Variants in SLC2A13 observed in about 807,000 individuals in gnomAD.
SLC2A13 encodes solute carrier family 2 member 13, also known as proton myo-inositol cotransporter.
A neutral mutation model predicts 64.4 loss-of-function variants in SLC2A13; 32 were observed. The ratio of observed to expected loss-of-function variants is 0.50; its 90% confidence interval spans 0.37 to 0.67. The LOEUF is 0.67. Ranked by LOEUF, SLC2A13 falls within the 30% of genes least tolerant of loss-of-function variation. The pLI is 0.00. For synonymous variants in SLC2A13, 338 were observed against 327.1 expected (o/e 1.03, Z -0.36); for missense variants, 743 against 829.2 (o/e 0.90, Z 1.28).
chr12:40,077,403 T>C (rs1309304531), intron 1 of SLC2A13, among the ~76,000 whole-genome samples: 1 of 152,230 alleles, frequency 6.6e-6, no homozygotes, highest in East Asian at 1.9e-4. Context: ...ATTTATTAAA[T>C]AGGTAATCCT....
intron 3 of SLC2A13, among the ~76,000 whole-genome samples, chr12:39,956,228 G>A (rs1946312177): frequency 6.6e-6 from 1 of 152,124 alleles, no homozygotes; most frequent in Non-Finnish European, 1.5e-5. Context: ...TACTGAATTT[G>A]TTAAAAACGT....
chr12:39,928,442 T>A (rs1221284694), intron 4 of SLC2A13, among the ~76,000 whole-genome samples: 1 of 152,128 alleles, frequency 6.6e-6, no homozygotes, highest in Non-Finnish European at 1.5e-5. Flanking sequence ...TTTTAGAACA[T>A]GAGGAATAAA....
chr12:39,767,001 C>G (rs1408793196), intron 7 of SLC2A13, among the ~76,000 whole-genome samples: 1 of 152,094 alleles, frequency 6.6e-6, no homozygotes, highest in African/African-American at 2.4e-5. Context: ...GGTATTTTGA[C>G]CTCCTCCCAT....
chr12:39,768,930 T>C (rs1053476141), intron 7 of SLC2A13, among the ~76,000 whole-genome samples: 1 of 152,082 alleles, frequency 6.6e-6, no homozygotes, highest in Non-Finnish European at 1.5e-5. Context: ...GCAAACACAA[T>C]AAAATGAAGT....
At chr12:39,771,384 A>G (rs1456065921) in intron 7 of SLC2A13, among the ~76,000 whole-genome samples, 1 of 152,176 alleles carries the variant, frequency 6.6e-6, no homozygotes, top group Non-Finnish European at 1.5e-5. Flanking sequence ...TTGGAGAAGC[A>G]AGTCGCCATG....
intron 1 of SLC2A13, among the ~76,000 whole-genome samples, chr12:40,078,358 G>T (rs551444414): frequency 6.6e-6 from 1 of 152,016 alleles, no homozygotes; most frequent in Non-Finnish European, 1.5e-5. Flanking sequence ...TTTTTTACAC[G>T]AAGGAATGTT....
rs536155481 is a variant in SLC2A13 at position 39,783,101 on chromosome 12, A to ATGAG, written c.1446-18247_1446-18244dup. The stretch of plus-strand genomic sequence containing the variant: ...TGTTCTCATCGTTCAAGTCCCACCT[A>ATGAG]TGAGTGAGAACATGCGGTGTTTGGT... On this transcript the variant is annotated intron_variant, in intron 7 of 9. Transcript: ENST00000280871. Among the ~76,000 whole-genome samples the ATGAG allele has an allele frequency of 3.4e-3, 511 of 152,182 alleles. 6 individuals carry two copies. Among genetic ancestry groups the ATGAG allele is most frequent in the African/African-American group, 0.012 (497 of 41,492 alleles).
intron 4 of SLC2A13, among the ~76,000 whole-genome samples, chr12:39,902,113 G>A (rs1945137068): frequency 6.7e-6 from 1 of 148,222 alleles, no homozygotes; most frequent in Non-Finnish European, 1.5e-5. Flanking sequence ...AACACCGCAT[G>A]TTCTCACTCA....
At chr12:39,979,945 G>A (rs1946856938) in intron 3 of SLC2A13, among the ~76,000 whole-genome samples, 1 of 146,370 alleles carries the variant, frequency 6.8e-6, no homozygotes, top group African/African-American at 2.5e-5. Flanking sequence ...TACCCTCAAA[G>A]GGAAGCCCAT....
intron 4 of SLC2A13, among the ~76,000 whole-genome samples, chr12:39,944,937 A>T (rs1043232187): frequency 2.0e-5 from 3 of 151,654 alleles, no homozygotes; most frequent in Non-Finnish European, 4.4e-5. Flanking sequence ...TTTAATGTGC[A>T]TTTTTGTTTT....
intron 3 of SLC2A13, among the ~76,000 whole-genome samples, chr12:40,005,256 A>G (rs576918820): frequency 2.7e-4 from 41 of 152,358 alleles, no homozygotes; most frequent in African/African-American, 9.1e-4. Flanking sequence ...TGTGTACTTT[A>G]TACTTCACAG....
chr12:39,798,563 T>C (rs1228681622), intron 7 of SLC2A13, among the ~76,000 whole-genome samples: 1 of 152,240 alleles, frequency 6.6e-6, no homozygotes, highest in African/African-American at 2.4e-5. Context: ...GCGCTTCAAC[T>C]GTTTCTAACT....
intron 6 of SLC2A13, among the ~76,000 whole-genome samples, chr12:39,858,496 T>A (rs1489605751): frequency 2.6e-5 from 4 of 152,214 alleles, no homozygotes; most frequent in Non-Finnish European, 5.9e-5. Flanking sequence ...ATTCACAGCA[T>A]AATATTATAT....
intron 4 of SLC2A13, among the ~76,000 whole-genome samples, chr12:39,924,921 C>A (rs1342633886): frequency 2.6e-5 from 4 of 151,496 alleles, no homozygotes; most frequent in Non-Finnish European, 5.9e-5. Context: ...AAAGACTATC[C>A]GTTTAAAATT....
chr12:39,802,374 G>A (rs923905377), intron 7 of SLC2A13: 15 of 152,182 alleles, frequency 9.9e-5, no homozygotes, highest in Middle Eastern at 3.2e-3. Flanking sequence ...CAAGTGCAAC[G>A]TAACGTTGGT....
chr12:39,769,869 A>C (rs946503284), intron 7 of SLC2A13, among the ~76,000 whole-genome samples: 1 of 151,988 alleles, frequency 6.6e-6, no homozygotes, highest in African/African-American at 2.4e-5. Context: ...CCACCCTCCC[A>C]GATGCTGGCT....
intron 3 of SLC2A13, among the ~76,000 whole-genome samples, chr12:39,967,630 A>G (rs1428650162): frequency 1.3e-5 from 2 of 152,344 alleles, no homozygotes; most frequent in Non-Finnish European, 2.9e-5. Flanking sequence ...TCAAGTTTCT[A>G]TAAATGTTTT....
chr12:40,004,089 A>G (rs1300578369), intron 3 of SLC2A13, among the ~76,000 whole-genome samples: 1 of 152,256 alleles, frequency 6.6e-6, no homozygotes, highest in Non-Finnish European at 1.5e-5. Context: ...AACTATTTGC[A>G]TAACATTTAC....
intron 1 of SLC2A13, among the ~76,000 whole-genome samples, chr12:40,052,834 G>T (rs1336435518): frequency 6.6e-6 from 1 of 152,094 alleles, no homozygotes; most frequent in Non-Finnish European, 1.5e-5. Context: ...CATACGAGAA[G>T]AATGCTTAGA....
Sources: gnomAD v4.1 joint callset for allele counts (sites outside exome capture counted in the v4.1 genomes callset) on GRCh38, gnomAD v4.1.1 for gene constraint, MANE v1.5 for transcripts, NCBI Gene and HGNC (gene_info 2026-07-23, HGNC 2026-07-21) for gene names.